Variants in CALR3 observed in about 807,000 individuals in gnomAD.
CALR3 encodes the protein calreticulin-3.
CALR3 carries 39 observed loss-of-function variants against 48.7 expected under a neutral mutation model. The ratio of observed to expected loss-of-function variants is 0.80; its 90% CI spans 0.62 to 1.05. CALR3 has a LOEUF of 1.05. Among genes scored for constraint, CALR3 ranks in the 50% least tolerant of loss-of-function variants. CALR3 has a pLI of 0.00. For synonymous variants in CALR3, 185 were observed against 172.7 expected (o/e 1.07, Z -0.56); for missense variants, 449 against 474.7 (o/e 0.95, Z 0.50).
At chr19:16,485,692 C>T (rs1599718918) in intron 3 of CALR3, among the ~76,000 whole-genome samples, 2 of 152,014 alleles carry the variant, frequency 1.3e-5, no homozygotes, top group Admixed American at 6.6e-5. Context: ...CTCACTCTGT[C>T]GCCCAGGCTG....
chr19:16,483,258 T>A (rs1411375386), intron 5 of CALR3, among the ~76,000 whole-genome samples: 2 of 152,152 alleles, frequency 1.3e-5, no homozygotes, highest in African/African-American at 4.8e-5. Context: ...GGAGGCCAAG[T>A]GCTTGGTGCT....
chr19:16,480,609 C>T lies in CALR3; in HGVS notation c.1011+5G>A. 5.0e-6 allele frequency: 8 copies of T among 1,594,516 alleles called. No individual in the cohort carries two copies. Among genetic ancestry groups the T allele is most frequent in the Admixed American group, 1.7e-5 (1 of 59,986 alleles). ...TGTAGGAAGAGTTAATCACGTGCTT[C>T]ATACCTTGGTTTCGCCCCAGGTGGC... is the stretch of plus-strand genomic sequence containing the variant. On this transcript the variant is annotated splice_donor_5th_base_variant and intron_variant, in intron 8 of 8. Coordinates refer to ENST00000269881, the MANE Select transcript of CALR3 (RefSeq NM_145046.5).
chr19:16,495,984 G>A (rs572637286), intron 1 of CALR3, 55 bp downstream of exon 1: 7 of 1,567,674 alleles, frequency 4.5e-6, no homozygotes, highest in Admixed American at 1.9e-5. Context: ...GCCAGCCTTA[G>A]GGGGCGGAGA....
At position 16,496,136 on chromosome 19, in the gene CALR3, GT is replaced by G; in HGVS notation, c.-8del. On this transcript the variant is annotated 5_prime_UTR_variant, in exon 1 of 9. Coordinates refer to ENST00000269881, the MANE Select transcript of CALR3 (RefSeq NM_145046.5). ...GGACCAAAGCCCGGGCCATGGGGGTGTGCACTGCGCTTCCGGTCGCCGCCAC... is the reference window on the plus strand; with the variant it reads ...GGACCAAAGCCCGGGCCATGGGGGTGGCACTGCGCTTCCGGTCGCCGCCAC... The G allele has an allele frequency of 6.3e-7, 1 of 1,593,450 alleles. No individual in the cohort carries two copies. The highest frequency in any genetic ancestry group is 8.5e-7 in the Non-Finnish European group (1 of 1,170,036).
chr19:16,481,047 G>T (rs539990536), intron 7 of CALR3, among the ~76,000 whole-genome samples: 3 of 151,982 alleles, frequency 2.0e-5, no homozygotes, highest in Non-Finnish European at 4.4e-5. Context: ...CCAGCTACTT[G>T]GGAGGCTGAG....
chr19:16,496,133 G>T lies in CALR3; in HGVS notation c.-4C>A, dbSNP rs774525923. ...GCTGGACCAAAGCCCGGGCCATGGG[G>T]GTGTGCACTGCGCTTCCGGTCGCCG... is the stretch of plus-strand genomic sequence containing the variant. On this transcript the variant is annotated 5_prime_UTR_variant, in exon 1 of 9. Transcript: ENST00000269881. 16 of 1,595,286 alleles carry T rather than the reference G, an allele frequency of 1.0e-5. No homozygotes were observed. In the South Asian group the frequency reaches 1.8e-4, roughly 18 times the overall value.
At chr19:16,481,020 C>T (rs749540318) in intron 7 of CALR3, among the ~76,000 whole-genome samples, 1 of 151,688 alleles carries the variant, frequency 6.6e-6, no homozygotes, top group Non-Finnish European at 1.5e-5. Context: ...CAGGTGTGGT[C>T]GTGCATGCCT....
At chr19:16,493,431 A>G (rs2093400947) in intron 2 of CALR3, among the ~76,000 whole-genome samples, 1 of 152,218 alleles carries the variant, frequency 6.6e-6, no homozygotes, top group Admixed American at 6.6e-5. Flanking sequence ...GTCTATACAA[A>G]TGATCCCAAA....
intron 3 of CALR3, among the ~76,000 whole-genome samples, chr19:16,486,631 A>C (rs938245990): frequency 6.6e-5 from 10 of 151,868 alleles, no homozygotes; most frequent in Non-Finnish European, 1.5e-4. Context: ...AAAAAAAAAA[A>C]AAAAAAAGGT....
chr19:16,480,192 C>T, intron 8 of CALR3, among the ~76,000 whole-genome samples: 1 of 105,456 alleles, frequency 9.5e-6, no homozygotes, highest in Admixed American at 1.2e-4. Context: ...CAGAGCGAGA[C>T]TCCGTCTCAA....
At chr19:16,492,227 C>T (rs910789754) in intron 2 of CALR3, among the ~76,000 whole-genome samples, 5 of 151,426 alleles carry the variant, frequency 3.3e-5, no homozygotes, top group Admixed American at 1.3e-4. Flanking sequence ...GAGGCTGAGC[C>T]GGGTGGATCA....
At chr19:16,493,667 A>G (rs1312606834) in intron 2 of CALR3, among the ~76,000 whole-genome samples, 1 of 149,450 alleles carries the variant, frequency 6.7e-6, no homozygotes, top group Non-Finnish European at 1.5e-5. Flanking sequence ...CTCCTGCCTC[A>G]ATCTCTCAAG....
intron 2 of CALR3, among the ~76,000 whole-genome samples, chr19:16,491,377 C>T (rs920510536): frequency 1.8e-4 from 28 of 151,770 alleles, no homozygotes; most frequent in Non-Finnish European, 3.8e-4. Context: ...CTGCCTCGGC[C>T]TCCCAAAGTG....
intron 8 of CALR3, among the ~76,000 whole-genome samples, chr19:16,479,695 G>T (rs545827540): frequency 6.6e-6 from 1 of 151,550 alleles, no homozygotes; most frequent in Non-Finnish European, 1.5e-5. Context: ...GGAGGCGGAG[G>T]TTGCAGTGAG....
chr19:16,487,411 C>G (rs2093390697), intron 3 of CALR3, among the ~76,000 whole-genome samples: 2 of 142,286 alleles, frequency 1.4e-5, no homozygotes, highest in South Asian at 4.4e-4. Flanking sequence ...ACCTGGGAGG[C>G]AGAGGTTGCA....
At chr19:16,481,078 C>T (rs1055787287) in intron 7 of CALR3, among the ~76,000 whole-genome samples, 7 of 151,926 alleles carry the variant, frequency 4.6e-5, no homozygotes, top group African/African-American at 1.5e-4. Flanking sequence ...CGCTTGAACC[C>T]GGGAAGCAGA....
intron 7 of CALR3, 36 bp downstream of exon 7, chr19:16,482,414 C>T (rs753829108): frequency 1.2e-4 from 198 of 1,613,092 alleles, no homozygotes; most frequent in Non-Finnish European, 1.5e-4. Context: ...AACACACACA[C>T]GCAAAAAATC....
intron 8 of CALR3, 64 bp downstream of exon 8, chr19:16,480,550 T>TAA: frequency 1.3e-4 from 122 of 968,818 alleles, no homozygotes; most frequent in Non-Finnish European, 1.6e-4. Flanking sequence ...AGACTCCATC[T>TAA]AAAAAAAAAA....
At chr19:16,480,580 GT>G in intron 8 of CALR3, 33 bp downstream of exon 8, 4 of 1,426,512 alleles carry the variant, frequency 2.8e-6, no homozygotes, top group Non-Finnish European at 4.0e-6. Context: ...AAATGAAATA[GT>G]GATGTAGGAA....
Sources: allele counts gnomAD v4.1 joint callset (sites outside exome capture counted in the v4.1 genomes callset), GRCh38; gene constraint gnomAD v4.1.1; transcripts MANE v1.5; gene names NCBI Gene and HGNC (gene_info 2026-07-23, HGNC 2026-07-21).